The following C16orf46 variants were observed in gnomAD, a reference collection of about 807,000 sequenced individuals.
C16orf46 encodes the protein chromosome 16 open reading frame 46, also known as uncharacterized protein C16orf46.
Under a neutral mutation model 5.5 loss-of-function variants are expected in C16orf46, and 7 were observed. That is an observed-to-expected ratio of 1.28 (90% CI 0.73 to 2.40). The LOEUF (loss-of-function observed/expected upper bound fraction) is 2.40. Ranked by LOEUF, C16orf46 falls within the 30% of genes most tolerant of loss-of-function variation. C16orf46 has a pLI of 0.00. For synonymous variants in C16orf46, 200 were observed against 184.1 expected (o/e 1.09, Z -0.70); for missense variants, 614 against 476.0 (o/e 1.29, Z -2.70).
chr16:81,060,989 G>C lies in C16orf46; in HGVS notation c.*172C>G. ...AATCCCAACAATCCACTGAGGTTCA[G>C]TTTTCTTCAGTTGTACTACAAAAAA... On this transcript the variant is annotated 3_prime_UTR_variant, in exon 4 of 4. Transcript: ENST00000299578. 1 of 1,378,404 alleles carries C rather than the reference G, an allele frequency of 7.3e-7. No individual in the cohort carries two copies. Among genetic ancestry groups the C allele is most frequent in the South Asian group, 1.9e-5 (1 of 53,402 alleles). 85.4% of individuals were successfully genotyped at this position (1,378,404 alleles called of 1,614,324 possible).
At chr16:81,072,197 A>G (rs1245466459) in intron 1 of C16orf46, 1 of 152,378 alleles carries the variant, frequency 6.6e-6, no homozygotes, top group Non-Finnish European at 1.5e-5. Context: ...GATCTGAGGA[A>G]CTGCTTGTTG....
intron 1 of C16orf46, among the ~76,000 whole-genome samples, chr16:81,073,281 A>G (rs1971916333): frequency 6.6e-6 from 1 of 152,238 alleles, no homozygotes; most frequent in African/African-American, 2.4e-5. Context: ...TCTCAGGAAC[A>G]CAAGCTCCAT....
chr16:81,063,781 T>C lies in C16orf46; in HGVS notation c.175A>G (p.Lys59Glu). The change falls in exon 3 of 4, where the codon AAA becomes GAA. Residue 59 changes from lysine (K) to glutamate (E), a missense_variant. Coordinates refer to ENST00000299578, the MANE Select transcript of C16orf46 (RefSeq NM_152337.3). ...DITLEQDEKAKEFIIGTGWEE... is the reference protein window; with the variant it reads ...DITLEQDEKAEEFIIGTGWEE... ...CATCCAGTTCCAATAATAAACTCTT[T>C]GGCTTTTTCATCTTGTTCAAGCGTA... 1 of 1,614,062 alleles carries C rather than the reference T, an allele frequency of 6.2e-7. No individual in the cohort carries two copies. The highest frequency in any genetic ancestry group is 8.5e-7 in the Non-Finnish European group (1 of 1,179,960).
rs772357799 is a variant in C16orf46, at chr16:81,062,147, A to C, written c.211-9T>G. The C allele has an allele frequency of 1.3e-6, 2 of 1,549,850 alleles. No homozygotes were observed. The highest frequency in any genetic ancestry group is 1.7e-6 in the Non-Finnish European group (2 of 1,152,934). ...CTTCCCCACCCTTGGACCTGCAAATAAAGCGGCATGTTACTCCTCCAGCTG... is the reference window on the plus strand; with the variant it reads ...CTTCCCCACCCTTGGACCTGCAAATCAAGCGGCATGTTACTCCTCCAGCTG... On this transcript the variant is annotated splice_polypyrimidine_tract_variant and intron_variant, in intron 3 of 3. Coordinates refer to ENST00000299578, the MANE Select transcript of C16orf46 (RefSeq NM_152337.3).
chr16:81,076,949 A>G (rs1417557308), intron 1 of C16orf46, 187 bp downstream of exon 1: 2 of 151,894 alleles, frequency 1.3e-5, no homozygotes, highest in South Asian at 4.2e-4. Context: ...TTCCGCTCCC[A>G]ACGGATCCTC....
downstream of C16orf46, among the ~76,000 whole-genome samples, chr16:81,056,779 G>A (rs1971308982): frequency 6.6e-6 from 1 of 150,798 alleles, no homozygotes; most frequent in African/African-American, 2.4e-5. Context: ...GCCACCATGA[G>A]ACCCTAGAGG....
chr16:81,061,026 AAAG>A lies in C16orf46; in HGVS notation c.*132_*134del. The A allele has an allele frequency of 2.9e-6, 4 of 1,402,574 alleles. No homozygotes were observed. Among genetic ancestry groups the A allele is most frequent in the Non-Finnish European group, 3.7e-6 (4 of 1,078,864 alleles). The allele number at this position is 1,402,574 out of a possible 1,614,324, so 86.9% of individuals were successfully genotyped here. ...TGTACTACAAAAAAAAAATGGAGGA[AAAG>A]AAGAGTAAAGACAGACTGACGGGGA... On this transcript the variant is annotated 3_prime_UTR_variant, in exon 4 of 4. Coordinates refer to ENST00000299578, the MANE Select transcript of C16orf46 (RefSeq NM_152337.3).
rs534984053 is a variant in C16orf46, at chr16:81,073,237, T to C, written c.-128+3899A>G. ...AAGCCAGATTGGTATGTACCATAAA[T>C]TCAGGCTAAAAAGTGCCTATTAGAG... On this transcript the variant is annotated intron_variant, in intron 1 of 3. Transcript: ENST00000299578. 8.5e-5 allele frequency among the ~76,000 whole-genome samples: 13 copies of C among 152,322 alleles called. No individual in the cohort carries two copies. In the South Asian group the frequency reaches 2.5e-3, roughly 29 times the overall value.
At chr16:81,054,059 C>G (rs1008203400) in exon 4 of C16orf46, 3 of 1,610,690 alleles carry the variant, frequency 1.9e-6, no homozygotes, top group Non-Finnish European at 2.5e-6. Flanking sequence ...GAATGTGAAA[C>G]TGATCCCTCT....
At position 81,077,170 on chromosome 16, in the gene C16orf46, G is replaced by A. The variant is rs918387288; in HGVS notation, c.-162C>T. 1.3e-5 allele frequency: 2 copies of A among 152,396 alleles called. No homozygotes were observed. The highest frequency in any genetic ancestry group is 4.8e-5 in the African/African-American group (2 of 41,476). The allele number at this position is 152,396 out of a possible 1,614,324, so 9.4% of individuals were successfully genotyped here. Reference sequence around the variant, plus strand: ...CAAGCGGATGGAAGGCCCCGAGACAGCTAGTCCCGGCCTACTGGCAAGAGC... The same window carrying A: ...CAAGCGGATGGAAGGCCCCGAGACAACTAGTCCCGGCCTACTGGCAAGAGC... On this transcript the variant is annotated 5_prime_UTR_variant, in exon 1 of 4. Transcript: ENST00000299578.
chr16:81,057,073 T>G (rs896311664), downstream of C16orf46, among the ~76,000 whole-genome samples: 1 of 152,072 alleles, frequency 6.6e-6, no homozygotes, highest in Non-Finnish European at 1.5e-5. Flanking sequence ...CCAGGGATGC[T>G]GCTACACATC....
intron 1 of C16orf46, among the ~76,000 whole-genome samples, chr16:81,075,876 A>T (rs1377655886): frequency 6.6e-6 from 1 of 152,204 alleles, no homozygotes; most frequent in Non-Finnish European, 1.5e-5. Context: ...TATTAAGTCA[A>T]ACGCAAGCTG....
intron 1 of C16orf46, among the ~76,000 whole-genome samples, chr16:81,066,891 G>A (rs912135043): frequency 2.0e-5 from 3 of 152,152 alleles, no homozygotes; most frequent in Admixed American, 6.6e-5. Context: ...CCATGGAGAC[G>A]CATTTGCAGA....
At chr16:81,067,304 G>A (rs1971681959) in intron 1 of C16orf46, among the ~76,000 whole-genome samples, 1 of 152,182 alleles carries the variant, frequency 6.6e-6, no homozygotes, top group Non-Finnish European at 1.5e-5. Flanking sequence ...GTGAGGTTGA[G>A]GTTAGGGAGG....
chr16:81,073,002 T>C (rs12932466), intron 1 of C16orf46, among the ~76,000 whole-genome samples: 3,244 of 152,238 alleles, frequency 0.021, 58 homozygotes, highest in East Asian at 0.057. Flanking sequence ...AAAAAATAAC[T>C]GGATGAAGAG....
intron 1 of C16orf46, among the ~76,000 whole-genome samples, chr16:81,067,100 C>G (rs1028728714): frequency 1.3e-5 from 2 of 152,098 alleles, no homozygotes; most frequent in Non-Finnish European, 2.9e-5. Context: ...GATCAAAGAA[C>G]TTAAGATATT....
At chr16:81,059,483 CTA>C (rs1284335292), downstream of C16orf46, among the ~76,000 whole-genome samples, 1 of 152,114 alleles carries the variant, frequency 6.6e-6, no homozygotes, top group Non-Finnish European at 1.5e-5. Context: ...CAAATTCAAA[CTA>C]TGTAATTACA....
At chr16:81,054,634 C>T (rs959960010) in intron 3 of C16orf46, among the ~76,000 whole-genome samples, 1 of 151,800 alleles carries the variant, frequency 6.6e-6, no homozygotes, top group Non-Finnish European at 1.5e-5. Context: ...AGCCACTGCA[C>T]CCGGCCACAT....
chr16:81,061,121 C>T lies in C16orf46; in HGVS notation c.*40G>A. ...GAAGAAAGAGAAAGGATGGCTGCAT[C>T]TCAAACGGTGCTTATTCCCAGGGGT... On this transcript the variant is annotated 3_prime_UTR_variant, in exon 4 of 4. Coordinates refer to ENST00000299578, the MANE Select transcript of C16orf46 (RefSeq NM_152337.3). The T allele has an allele frequency of 6.5e-7, 1 of 1,536,714 alleles. No homozygotes were observed. The highest frequency in any genetic ancestry group is 8.7e-7 in the Non-Finnish European group (1 of 1,143,258).
Sources: allele counts gnomAD v4.1 joint callset (sites outside exome capture counted in the v4.1 genomes callset), GRCh38; gene constraint gnomAD v4.1.1; transcripts MANE v1.5; gene names NCBI Gene and HGNC (gene_info 2026-07-23, HGNC 2026-07-21).